Variants in RBPJ observed in about 807,000 individuals in gnomAD.
RBPJ encodes recombining binding protein suppressor of hairless.
Under a neutral mutation model 67.8 loss-of-function variants are expected in RBPJ, and 9 were observed. The observed-to-expected ratio is 0.13, with a 90% CI of 0.08 to 0.23. The LOEUF (loss-of-function observed/expected upper bound fraction) is 0.23, where lower values mean the gene tolerates loss of function less well. RBPJ is among the 10% of genes least tolerant of loss of function. The pLI is 1.00. For missense variants in RBPJ, 305 were observed against 595.6 expected (o/e 0.51, Z 5.08); for synonymous variants, 198 against 203.3 (o/e 0.97, Z 0.22).
chr4:26,188,013 C>T (rs553663818), intron 1 of RBPJ, among the ~76,000 whole-genome samples: 2 of 152,066 alleles, frequency 1.3e-5, no homozygotes, highest in African/African-American at 2.4e-5. Context: ...GGCAACAGAG[C>T]GAGACTCTGT....
intron 1 of RBPJ, among the ~76,000 whole-genome samples, chr4:26,341,478 G>A (rs1181199459): frequency 4.6e-5 from 7 of 152,058 alleles, no homozygotes; most frequent in South Asian, 2.1e-4. Flanking sequence ...GCTGGGCATG[G>A]TGCTATGCTC....
At chr4:26,161,633 C>G (rs1313306951), upstream of RBPJ, among the ~76,000 whole-genome samples, 1 of 152,106 alleles carries the variant, frequency 6.6e-6, no homozygotes, top group African/African-American at 2.4e-5. Context: ...CCACCTATAG[C>G]CAGAAGTAGG....
chr4:26,338,476 T>C (rs1725138844), intron 1 of RBPJ, among the ~76,000 whole-genome samples: 1 of 151,274 alleles, frequency 6.6e-6, no homozygotes, highest in Non-Finnish European at 1.5e-5. Context: ...TTTTCTTCCA[T>C]GTGCTCTTTT....
chr4:26,212,243 G>A (rs1023213182), intron 1 of RBPJ, among the ~76,000 whole-genome samples: 3 of 151,988 alleles, frequency 2.0e-5, no homozygotes, highest in Admixed American at 1.3e-4. Flanking sequence ...ACATAGGGTG[G>A]TCAGGGAAGA....
intron 1 of RBPJ, among the ~76,000 whole-genome samples, chr4:26,164,860 T>C (rs1716206981): frequency 1.3e-5 from 2 of 152,160 alleles, no homozygotes; most frequent in Non-Finnish European, 2.9e-5. Flanking sequence ...TGGGGTTTTG[T>C]AGACCACCAG....
chr4:26,384,618 T>C (rs542824908), intron 1 of RBPJ: 1 of 152,320 alleles, frequency 6.6e-6, no homozygotes, highest in East Asian at 1.9e-4. Context: ...GGTTATCACA[T>C]AGAAACCACA....
At chr4:26,358,121 ACT>A (rs1240160418) in intron 1 of RBPJ, among the ~76,000 whole-genome samples, 3 of 151,244 alleles carry the variant, frequency 2.0e-5, no homozygotes, top group East Asian at 1.9e-4. Context: ...GTTTGATAAA[ACT>A]CTACAAACCA....
rs575858977 is a variant in RBPJ, at chr4:26,411,122, T to G, written c.156-4353T>G. Among the ~76,000 whole-genome samples, 3 of 152,182 alleles carry G rather than the reference T, an allele frequency of 2.0e-5. No homozygotes were observed. The East Asian group carries it at 5.8e-4, about 29-fold the overall frequency. On this transcript the variant is annotated intron_variant, in intron 3 of 10. Transcript: ENST00000355476. Reference sequence around the variant, plus strand: ...GGCCTAAAATACACCACATAAGATATATTTTAGGCCAGGTGCAGTGGCTCA... The same window carrying G: ...GGCCTAAAATACACCACATAAGATAGATTTTAGGCCAGGTGCAGTGGCTCA...
At chr4:26,356,121 A>T (rs1289347718) in intron 1 of RBPJ, among the ~76,000 whole-genome samples, 1 of 152,190 alleles carries the variant, frequency 6.6e-6, no homozygotes, top group African/African-American at 2.4e-5. Context: ...CTTTAACTGG[A>T]AGAAAACAGA....
chr4:26,432,874 A>G lies in RBPJ; in HGVS notation c.*1867A>G, dbSNP rs1213561005. 2.0e-5 allele frequency: 3 copies of G among 152,180 alleles called. No individual in the cohort carries two copies. Among genetic ancestry groups the G allele is most frequent in the African/African-American group, 4.8e-5 (2 of 41,444 alleles). The allele number at this position is 152,180 out of a possible 1,614,324, so 9.4% of individuals were successfully genotyped here. On this transcript the variant is annotated 3_prime_UTR_variant, in exon 11 of 11. Coordinates refer to ENST00000355476, the MANE Select transcript of RBPJ (RefSeq NM_015874.6). ...AATAGACTTTTTAGAAATTATTATT[A>G]GTAGCATTTTTTTTCCAGCTTTGCT...
intron 1 of RBPJ, among the ~76,000 whole-genome samples, chr4:26,309,074 C>T (rs1383945990): frequency 6.7e-6 from 1 of 149,806 alleles, no homozygotes; most frequent in Non-Finnish European, 1.5e-5. Context: ...TGTGCTGTCA[C>T]CCAGGCTGGA....
At chr4:26,253,480 T>G (rs905440036) in intron 1 of RBPJ, among the ~76,000 whole-genome samples, 1 of 150,240 alleles carries the variant, frequency 6.7e-6, no homozygotes, top group African/African-American at 2.5e-5. Context: ...CCCGGCTAAT[T>G]TTTTGTATTT....
At chr4:26,212,991 G>A (rs1048492014) in intron 1 of RBPJ, among the ~76,000 whole-genome samples, 6 of 152,174 alleles carry the variant, frequency 3.9e-5, no homozygotes, top group Non-Finnish European at 7.3e-5. Flanking sequence ...AGGAATGGAA[G>A]CTCCTGCACT....
chr4:26,418,585 C>T (rs1477355465), intron 4 of RBPJ, among the ~76,000 whole-genome samples: 4 of 151,100 alleles, frequency 2.6e-5, no homozygotes, highest in East Asian at 3.9e-4. Flanking sequence ...TCTTTTTTTC[C>T]GTTCTTGTTT....
rs190667671 is a variant in RBPJ at position 26,247,343 on chromosome 4, C to A, written c.-167+83729C>A. On this transcript the variant is annotated intron_variant, in intron 1 of 4. Transcript: ENST00000512351. Reference sequence around the variant, plus strand: ...TATTCATGGTAGGCTTTATTTTCTTCAATAAAATAGTATTGCTTTCTTCAT... The same window carrying A: ...TATTCATGGTAGGCTTTATTTTCTTAAATAAAATAGTATTGCTTTCTTCAT... 1.9e-3 allele frequency among the ~76,000 whole-genome samples: 294 copies of A among 152,056 alleles called. 5 individuals are homozygous for A. Among genetic ancestry groups the A allele is most frequent in the African/African-American group, 6.8e-3 (280 of 41,468 alleles).
At chr4:26,420,862 C>A in intron 5 of RBPJ, 137 bp downstream of exon 5, 1 of 686,972 alleles carries the variant, frequency 1.5e-6, no homozygotes. Context: ...TATTGTCTCT[C>A]TTTTTTTAAT....
intron 1 of RBPJ, among the ~76,000 whole-genome samples, chr4:26,285,349 T>TC (rs1430938073): frequency 7.6e-5 from 11 of 144,970 alleles, no homozygotes; most frequent in African/African-American, 2.8e-4. Flanking sequence ...CAGTTATCTA[T>TC]TAGGGCATAA....
At chr4:26,278,211 G>A (rs1042671158) in intron 1 of RBPJ, among the ~76,000 whole-genome samples, 1 of 152,022 alleles carries the variant, frequency 6.6e-6, no homozygotes, top group Non-Finnish European at 1.5e-5. Context: ...CTAAAGATAG[G>A]ATGCTACATA....
At chr4:26,114,370 A>T in the RBPJ span, among the ~76,000 whole-genome samples, 6 of 151,444 alleles carry the variant, frequency 4.0e-5, no homozygotes, top group Non-Finnish European at 8.8e-5. Context: ...GAGGCAGGAG[A>T]AGCTTGAACC....
Sources: gnomAD v4.1 joint callset for allele counts (sites outside exome capture counted in the v4.1 genomes callset) on GRCh38, gnomAD v4.1.1 for gene constraint, MANE v1.5 for transcripts, NCBI Gene and HGNC (gene_info 2026-07-23, HGNC 2026-07-21) for gene names.